TMEM178B: variants seen among roughly 807,000 people sequenced by gnomAD.
The protein encoded by TMEM178B is transmembrane protein 178B.
TMEM178B carries 5 observed loss-of-function variants against 31.0 expected under a neutral mutation model. The ratio of observed to expected loss-of-function variants is 0.16; its 90% CI spans 0.08 to 0.34. The LOEUF (loss-of-function observed/expected upper bound fraction) is 0.34, where lower values mean the gene tolerates loss of function less well. TMEM178B is among the 10% of genes least tolerant of loss of function. The pLI is 1.00. For synonymous variants in TMEM178B, 164 were observed against 164.0 expected, an observed-to-expected ratio of 1.00 and a Z score of 0.00; for missense variants, 275 against 400.3, an observed-to-expected ratio of 0.69 and a Z score of 2.67.
chr7:141,202,092 C>T (rs1388612536), intron 1 of TMEM178B, among the ~76,000 whole-genome samples: 1 of 152,030 alleles, frequency 6.6e-6, no homozygotes, highest in African/African-American at 2.4e-5. Flanking sequence ...AATAATGCAC[C>T]TTTTAGCATT....
At chr7:141,425,616 TTTGCGACTCTGCCTCTTGGTC>T (rs1291945159) in intron 2 of TMEM178B, among the ~76,000 whole-genome samples, 16 of 152,310 alleles carry the variant, frequency 1.1e-4, no homozygotes, top group South Asian at 4.1e-4. Flanking sequence ...GAGTTTTGGG[TTTGCGACTCTGCCTCTTGGTC>T]TTGCGACTCT....
intron 1 of TMEM178B, among the ~76,000 whole-genome samples, chr7:141,173,462 C>A (rs1043998108): frequency 1.3e-5 from 2 of 152,196 alleles, no homozygotes. Context: ...GAAGGCTTCA[C>A]TGAGGCGGGA....
chr7:141,098,878 G>C (rs1241659085), intron 1 of TMEM178B, among the ~76,000 whole-genome samples: 1 of 152,084 alleles, frequency 6.6e-6, no homozygotes, highest in Non-Finnish European at 1.5e-5. Flanking sequence ...GATTTCTTTG[G>C]GGCTTTGCCT....
chr7:141,219,189 G>T (rs1797214144), intron 2 of TMEM178B, among the ~76,000 whole-genome samples: 1 of 152,166 alleles, frequency 6.6e-6, no homozygotes, highest in African/African-American at 2.4e-5. Flanking sequence ...CAGTGGGAGG[G>T]GCTGCCTAGA....
In TMEM178B at chr7:141,106,313, T is replaced by G. The variant is rs181925418; in HGVS notation, c.382+31621T>G. 1.3e-3 allele frequency among the ~76,000 whole-genome samples: 201 copies of G among 152,334 alleles called. 1 individual carries two copies. Among genetic ancestry groups the G allele is most frequent in the Non-Finnish European group, 2.3e-3 (156 of 68,034 alleles). ...CACTCTTTTTCTAGCTTGTGCATTT[T>G]AAGATTATTTAGGAAATCAATTAAA... On this transcript the variant is annotated intron_variant, in intron 1 of 3. Coordinates refer to ENST00000565468, the MANE Select transcript of TMEM178B (RefSeq NM_001195278.2).
intron 1 of TMEM178B, among the ~76,000 whole-genome samples, chr7:141,180,355 G>C (rs1796503741): frequency 6.6e-6 from 1 of 151,526 alleles, no homozygotes; most frequent in Non-Finnish European, 1.5e-5. Flanking sequence ...AGCTACTTGG[G>C]AGGCTGAGGC....
intron 1 of TMEM178B, among the ~76,000 whole-genome samples, chr7:141,098,239 G>T (rs1794997740): frequency 6.6e-6 from 1 of 152,130 alleles, no homozygotes; most frequent in African/African-American, 2.4e-5. Context: ...GTTAGAGTCT[G>T]TGCCACTTGA....
Position 141,471,769 on chromosome 7 carries a change from GGTGTGTGTGTGCGTGTGTGTGTGT to G in TMEM178B, c.*995_*1018del, listed in dbSNP as rs1802246741. 7.8e-6 allele frequency: 1 copy of G among 128,532 alleles called. No individual in the cohort carries two copies. The highest frequency in any genetic ancestry group is 8.8e-5 in the Admixed American group (1 of 11,424). 8.0% of individuals were successfully genotyped at this position (128,532 alleles called of 1,614,324 possible). On this transcript the variant is annotated 3_prime_UTR_variant, in exon 4 of 4. Coordinates refer to ENST00000565468, the MANE Select transcript of TMEM178B (RefSeq NM_001195278.2). This position sits in a 1 kb window ranked among gnomAD's most constrained non-coding sequence, Gnocchi z 4.1. ...TTCTGCAGCTACAGATCCCTGGAGT[GGTGTGTGTGTGCGTGTGTGTGTGT>G]GTGTGTGTGTGTGTGTGTGTGTGTG...
At position 141,404,065 on chromosome 7, in the gene TMEM178B, G is replaced by C. The variant is rs540279608; in HGVS notation, c.497-33543G>C. On this transcript the variant is annotated intron_variant, in intron 2 of 3. Transcript: ENST00000565468. ...TCGTGCCTGTAATCCCAGCACTCTG[G>C]GGGGCCGAGACGGGCGGATCACGTG... is the stretch of plus-strand genomic sequence containing the variant. Among the ~76,000 whole-genome samples, 48 of 152,320 alleles carry C rather than the reference G, an allele frequency of 3.2e-4. 1 individual carries two copies. In the South Asian group the frequency reaches 9.1e-3, roughly 29 times the overall value.
chr7:141,103,844 G>A (rs1382095706), intron 1 of TMEM178B, among the ~76,000 whole-genome samples: 1 of 152,136 alleles, frequency 6.6e-6, no homozygotes, highest in Non-Finnish European at 1.5e-5. Context: ...TGTATTAGTG[G>A]TGGAATTATG....
At chr7:141,125,353 A>T (rs1289488564) in intron 1 of TMEM178B, among the ~76,000 whole-genome samples, 1 of 152,046 alleles carries the variant, frequency 6.6e-6, no homozygotes, top group Non-Finnish European at 1.5e-5. Context: ...AACTCCCCAA[A>T]CTGAAACAAC....
downstream of TMEM178B, chr7:141,480,516 T>C (rs371099605): frequency 4.8e-4 from 72 of 150,858 alleles, no homozygotes; most frequent in African/African-American, 1.6e-3. Flanking sequence ...AGCTGAAAAC[T>C]TGAATGCAGA....
chr7:141,281,949 T>C (rs1440205465), intron 2 of TMEM178B, among the ~76,000 whole-genome samples: 1 of 152,102 alleles, frequency 6.6e-6, no homozygotes, highest in Non-Finnish European at 1.5e-5. Flanking sequence ...AGTGATGTGA[T>C]TGGATTTGCT....
chr7:141,211,133 G>A (rs2129187663), intron 1 of TMEM178B, among the ~76,000 whole-genome samples: 1 of 152,284 alleles, frequency 6.6e-6, no homozygotes, highest in East Asian at 1.9e-4. Context: ...GAGGATGACA[G>A]GATGAAGGTA....
chr7:141,198,957 C>T (rs1796830453), intron 1 of TMEM178B, among the ~76,000 whole-genome samples: 2 of 152,158 alleles, frequency 1.3e-5, no homozygotes, highest in African/African-American at 2.4e-5. Flanking sequence ...TACTACACAC[C>T]AGATGGTAAT....
chr7:141,315,052 T>C (rs1438235770), intron 2 of TMEM178B, among the ~76,000 whole-genome samples: 1 of 152,234 alleles, frequency 6.6e-6, no homozygotes, highest in South Asian at 2.1e-4. Flanking sequence ...CCAAGGCTTA[T>C]GGCCACTTGG....
At chr7:141,078,612 G>A (rs540779923) in intron 1 of TMEM178B, among the ~76,000 whole-genome samples, 14 of 152,308 alleles carry the variant, frequency 9.2e-5, no homozygotes, top group Admixed American at 6.5e-4. Context: ...GATGAGAGCA[G>A]CAACAGAAAC....
chr7:141,305,532 A>G (rs565390162), intron 2 of TMEM178B, among the ~76,000 whole-genome samples: 57 of 152,108 alleles, frequency 3.7e-4, no homozygotes, highest in African/African-American at 1.3e-3. Context: ...GATTCAAGCA[A>G]TTCTCCTGCC....
At chr7:141,355,407 C>A (rs1799802335) in intron 2 of TMEM178B, among the ~76,000 whole-genome samples, 1 of 152,164 alleles carries the variant, frequency 6.6e-6, no homozygotes, top group Admixed American at 6.5e-5. Flanking sequence ...CTTCATCAGT[C>A]ATGCACCTGC....
Sources: allele counts gnomAD v4.1 joint callset (sites outside exome capture counted in the v4.1 genomes callset), GRCh38; gene constraint gnomAD v4.1.1; non-coding constraint Gnocchi (gnomAD v3.1); transcripts MANE v1.5; gene names NCBI Gene and HGNC (gene_info 2026-07-23, HGNC 2026-07-21).